The following CCSER2 variants were observed in gnomAD, a reference collection of about 807,000 sequenced individuals.
CCSER2 encodes the protein serine-rich coiled-coil domain-containing protein 2.
CCSER2 carries 46 observed loss-of-function variants against 92.3 expected under a neutral mutation model. The observed-to-expected ratio is 0.50, with a 90% CI of 0.39 to 0.64. The LOEUF (loss-of-function observed/expected upper bound fraction) is 0.64. Ranked by LOEUF, CCSER2 falls within the 30% of genes least tolerant of loss-of-function variation. The probability of loss-of-function intolerance (pLI) is 0.00; values close to 1 mark genes in which losing one functional copy is unlikely to be tolerated. For missense variants in CCSER2, 1,244 were observed against 1,238.9 expected (o/e 1.00, Z -0.06); for synonymous variants, 433 against 431.4 (o/e 1.00, Z -0.04).
chr10:84,381,347 C>G (rs1294249102), intron 3 of CCSER2, among the ~76,000 whole-genome samples: 1 of 152,120 alleles, frequency 6.6e-6, no homozygotes, highest in East Asian at 1.9e-4. Flanking sequence ...GCTTGGGGTG[C>G]TATGCAGAAA....
At chr10:84,348,991 A>G (rs994984992) in intron 1 of CCSER2, among the ~76,000 whole-genome samples, 2 of 152,172 alleles carry the variant, frequency 1.3e-5, no homozygotes, top group Non-Finnish European at 1.5e-5. Context: ...AAAATTGTAC[A>G]GTATGGACTT....
chr10:84,455,966 T>G lies in CCSER2; in HGVS notation c.2065-7967T>G, dbSNP rs1845592134. On this transcript the variant is annotated intron_variant, in intron 6 of 9. Coordinates refer to ENST00000372088, the MANE Select transcript of CCSER2 (RefSeq NM_001284240.2). Reference sequence around the variant, plus strand: ...TGTCTCAATTTTGGATTTTTTCACCTGTAAGGGCATCACGTACTCCTTTCC... The same window carrying G: ...TGTCTCAATTTTGGATTTTTTCACCGGTAAGGGCATCACGTACTCCTTTCC... 4.7e-6 allele frequency: 3 copies of G among 633,206 alleles called. No individual in the cohort carries two copies. The Admixed American group carries it at 5.6e-5, about 12-fold the overall frequency. The allele number at this position is 633,206 out of a possible 1,614,324, so 39.2% of individuals were successfully genotyped here.
intron 1 of CCSER2, among the ~76,000 whole-genome samples, chr10:84,368,274 T>C (rs1180406164): frequency 6.6e-6 from 1 of 152,212 alleles, no homozygotes; most frequent in Non-Finnish European, 1.5e-5. Context: ...AGGCTGCCAG[T>C]CATACTGTAC....
At chr10:84,390,457 T>C (rs927905950) in intron 3 of CCSER2, among the ~76,000 whole-genome samples, 3 of 152,208 alleles carry the variant, frequency 2.0e-5, no homozygotes, top group Non-Finnish European at 4.4e-5. Flanking sequence ...TATAGCATGT[T>C]ACCTTACTGA....
intron 4 of CCSER2, among the ~76,000 whole-genome samples, chr10:84,418,298 C>T (rs1168922288): frequency 6.6e-6 from 1 of 152,126 alleles, no homozygotes; most frequent in African/African-American, 2.4e-5. Flanking sequence ...TCATTCTGTA[C>T]ATTTTACTCC....
At chr10:84,444,068 C>T (rs537150267) in intron 6 of CCSER2, among the ~76,000 whole-genome samples, 4 of 152,074 alleles carry the variant, frequency 2.6e-5, no homozygotes, top group Admixed American at 1.3e-4. Flanking sequence ...TGTAGCAAAC[C>T]GCTATGGCAC....
In CCSER2 at chr10:84,516,522, G is replaced by A. The variant is rs938580259; in HGVS notation, c.*2255G>A. On this transcript the variant is annotated 3_prime_UTR_variant, in exon 10 of 10. Transcript: ENST00000372088. ...TATATTCCCCTAAAGTAAAACCAGT[G>A]ACTTAGTGGTTTTTGGTTTATTTAG... The A allele has an allele frequency of 6.6e-6, 1 of 152,154 alleles. No individual in the cohort carries two copies. Among genetic ancestry groups the A allele is most frequent in the African/African-American group, 2.4e-5 (1 of 41,444 alleles). The allele number at this position is 152,154 out of a possible 1,614,324, so 9.4% of individuals were successfully genotyped here.
chr10:84,518,388 A>T lies in CCSER2; in HGVS notation c.*4121A>T, dbSNP rs1849666956. The T allele has an allele frequency of 6.6e-6, 1 of 152,628 alleles. No individual in the cohort carries two copies. The highest frequency in any genetic ancestry group is 1.5e-5 in the Non-Finnish European group (1 of 68,020). 9.5% of individuals were successfully genotyped at this position (152,628 alleles called of 1,614,324 possible). A position where few individuals can be genotyped will look rare whatever the true frequency, so the allele number is the denominator to read the frequency against. On this transcript the variant is annotated 3_prime_UTR_variant, in exon 10 of 10. Transcript: ENST00000372088. The stretch of plus-strand genomic sequence containing the variant: ...ATCTGCAGTATTGTTTTTCCCATTG[A>T]TTTTAAGTCAGTTTAGAGTACAAAC...
intron 9 of CCSER2, 152 bp downstream of exon 9, chr10:84,477,816 TTA>T: frequency 7.0e-6 from 4 of 574,894 alleles, no homozygotes; most frequent in East Asian, 2.9e-5. Context: ...TCTTAGGTGT[TTA>T]TGTGTTTTCC....
At position 84,430,681 on chromosome 10, in the gene CCSER2, A is replaced by G. The variant is rs570427382; in HGVS notation, c.1868+4788A>G. Among the ~76,000 whole-genome samples, 13 of 152,296 alleles carry G rather than the reference A, an allele frequency of 8.5e-5. No homozygotes were observed. In the South Asian group the frequency reaches 2.7e-3, roughly 32 times the overall value. On this transcript the variant is annotated intron_variant, in intron 5 of 9. Transcript: ENST00000372088. ...GCTTGTTGTAATGCTTTTGGTTCTC[A>G]AGCTACCACAAAGGTAAGGAGATGG... is the stretch of plus-strand genomic sequence containing the variant.
At chr10:84,465,735 ATG>A (rs1477483151) in intron 7 of CCSER2, among the ~76,000 whole-genome samples, 8 of 152,068 alleles carry the variant, frequency 5.3e-5, no homozygotes, top group African/African-American at 1.9e-4. Flanking sequence ...TTAATGCTAT[ATG>A]ATAGACATTT....
At chr10:84,495,419 G>T (rs1165586172) in intron 9 of CCSER2, among the ~76,000 whole-genome samples, 6 of 152,168 alleles carry the variant, frequency 3.9e-5, no homozygotes, top group Non-Finnish European at 8.8e-5. Context: ...TTCTTGAAAA[G>T]ATTGCTTTTT....
intron 1 of CCSER2, among the ~76,000 whole-genome samples, chr10:84,362,128 G>A (rs1845534478): frequency 6.6e-6 from 1 of 152,130 alleles, no homozygotes; most frequent in Non-Finnish European, 1.5e-5. Context: ...CCATGTTAAT[G>A]TTACTCCTGT....
At chr10:84,506,634 A>G (rs181184424) in intron 9 of CCSER2, among the ~76,000 whole-genome samples, 5 of 151,826 alleles carry the variant, frequency 3.3e-5, no homozygotes, top group Admixed American at 3.3e-4. Context: ...TCTACTAAAA[A>G]TACAAAAAAA....
chr10:84,389,177 C>T (rs1482007945), intron 3 of CCSER2: 5 of 291,240 alleles, frequency 1.7e-5, no homozygotes, highest in South Asian at 1.4e-4. Context: ...ACTAGCTGGC[C>T]ATTCTACCGC....
At chr10:84,416,787 C>T (rs1842908031) in intron 3 of CCSER2, among the ~76,000 whole-genome samples, 1 of 152,062 alleles carries the variant, frequency 6.6e-6, no homozygotes, top group Non-Finnish European at 1.5e-5. Flanking sequence ...AAAAATTAGC[C>T]AGGCATGGTG....
chr10:84,499,815 T>G, intron 9 of CCSER2: 5 of 1,524,950 alleles, frequency 3.3e-6, no homozygotes, highest in South Asian at 1.1e-5. Flanking sequence ...ATGACTTGGT[T>G]TCTCTATTTT....
chr10:84,417,798 G>C lies in CCSER2; in HGVS notation c.1642G>C (p.Asp548His). 6.3e-7 allele frequency: 1 copy of C among 1,589,160 alleles called. No homozygotes were observed. The highest frequency in any genetic ancestry group is 8.6e-7 in the Non-Finnish European group (1 of 1,157,464). The change falls in exon 4 of 10, where the codon GAC becomes CAC. Residue 548 changes from aspartate (D) to histidine (H), a missense_variant. By Grantham distance (81) the Asp-to-His change is moderately conservative (BLOSUM62 -1). Transcript: ENST00000372088. ...IDILNNLESC[D>H]LEDDDLMLDV... ...TATTTTGAATAATCTTGAATCATGT[G>C]ACCTTGAGGATGATGATCTTATGCT...
At chr10:84,389,266 G>A in intron 3 of CCSER2, 1 of 503,924 alleles carries the variant, frequency 2.0e-6, no homozygotes, top group East Asian at 5.6e-5. Context: ...CAGTCCCCAG[G>A]ATCTCTTTAA....
Sources: allele counts gnomAD v4.1 joint callset (sites outside exome capture counted in the v4.1 genomes callset), GRCh38; gene constraint gnomAD v4.1.1; transcripts MANE v1.5; gene names NCBI Gene and HGNC (gene_info 2026-07-23, HGNC 2026-07-21).